Variants in FTCDNL1 observed in about 807,000 individuals in gnomAD.
FTCDNL1 encodes formiminotransferase cyclodeaminase N-terminal like, also known as formiminotransferase N-terminal subdomain-containing protein.
Under a neutral mutation model 5.9 loss-of-function variants are expected in FTCDNL1, and 11 were observed. The observed-to-expected ratio is 1.87, with a 90% confidence interval of 1.18 to 3.10. FTCDNL1 has a LOEUF of 3.10. FTCDNL1 is among the 30% of genes most tolerant of loss of function. The probability of loss-of-function intolerance (pLI) is 0.00; values close to 1 mark genes in which losing one functional copy is unlikely to be tolerated. For missense variants in FTCDNL1, 115 were observed against 65.5 expected, an observed-to-expected ratio of 1.76 and a Z score of -2.61; for synonymous variants, 58 against 24.8, an observed-to-expected ratio of 2.34 and a Z score of -3.99.
chr2:199,743,893 T>C, the FTCDNL1 span, among the ~76,000 whole-genome samples: 1 of 152,178 alleles, frequency 6.6e-6, no homozygotes, highest in Non-Finnish European at 1.5e-5. Flanking sequence ...AAGTATTATA[T>C]TTCCAGTATA....
intron 3 of FTCDNL1, among the ~76,000 whole-genome samples, chr2:199,776,777 C>T (rs1181960806): frequency 1.3e-5 from 2 of 152,096 alleles, no homozygotes; most frequent in Non-Finnish European, 2.9e-5. Flanking sequence ...TTGTTAATCA[C>T]TGTATTAGTA....
chr2:199,747,625 A>G, the FTCDNL1 span, among the ~76,000 whole-genome samples: 1 of 148,464 alleles, frequency 6.7e-6, no homozygotes, highest in Non-Finnish European at 1.5e-5. Flanking sequence ...CAGACCTTGG[A>G]TCACATCCAG....
At chr2:199,665,631 T>C in the FTCDNL1 span, among the ~76,000 whole-genome samples, 2 of 77,374 alleles carry the variant, frequency 2.6e-5, no homozygotes, top group Admixed American at 1.8e-4. Flanking sequence ...CAAAACTTCG[T>C]CTTAAAAAAA....
the FTCDNL1 span, among the ~76,000 whole-genome samples, chr2:199,682,900 G>A: frequency 3.6e-4 from 55 of 152,300 alleles, 1 homozygote; most frequent in Admixed American, 7.8e-4. Flanking sequence ...GAATTCTTCT[G>A]TAGGAAATAT....
the FTCDNL1 span, among the ~76,000 whole-genome samples, chr2:199,695,298 T>C: frequency 1.3e-5 from 2 of 152,200 alleles, no homozygotes. Context: ...TTTTATTTTA[T>C]ATATCTAATT....
chr2:199,826,663 C>T (rs555339972), intron 3 of FTCDNL1, among the ~76,000 whole-genome samples: 3 of 152,184 alleles, frequency 2.0e-5, no homozygotes, highest in Non-Finnish European at 2.9e-5. Flanking sequence ...GGTGTGGTGG[C>T]ATGCACCTGT....
At chr2:199,709,439 AAG>A in the FTCDNL1 span, among the ~76,000 whole-genome samples, 4 of 152,118 alleles carry the variant, frequency 2.6e-5, no homozygotes, top group Non-Finnish European at 5.9e-5. Flanking sequence ...TGCTACTAGA[AAG>A]AGAGGATAGA....
intron 3 of FTCDNL1, among the ~76,000 whole-genome samples, chr2:199,825,467 C>T (rs1701973372): frequency 6.6e-6 from 1 of 152,200 alleles, no homozygotes; most frequent in Non-Finnish European, 1.5e-5. Context: ...TGTTTGTCCC[C>T]TCCGAATCTC....
chr2:199,782,835 C>T (rs1231108985), intron 3 of FTCDNL1, among the ~76,000 whole-genome samples: 1 of 152,194 alleles, frequency 6.6e-6, no homozygotes, highest in Non-Finnish European at 1.5e-5. Flanking sequence ...TTGCAGGGTC[C>T]TTCATCCTTC....
the FTCDNL1 span, among the ~76,000 whole-genome samples, chr2:199,677,760 G>A: frequency 6.6e-6 from 1 of 152,200 alleles, no homozygotes; most frequent in Non-Finnish European, 1.5e-5. Flanking sequence ...AATCGTTAAT[G>A]TGCTCATAAG....
chr2:199,778,819 G>T (rs930312137), intron 3 of FTCDNL1, among the ~76,000 whole-genome samples: 14 of 152,182 alleles, frequency 9.2e-5, no homozygotes, highest in African/African-American at 3.4e-4. Context: ...TTCCTGAAAT[G>T]ATGACATTCT....
chr2:199,701,056 A>G, the FTCDNL1 span, among the ~76,000 whole-genome samples: 1 of 152,162 alleles, frequency 6.6e-6, no homozygotes, highest in African/African-American at 2.4e-5. Flanking sequence ...TTATTTCTAA[A>G]CAGAACTAAC....
chr2:199,749,472 G>A, the FTCDNL1 span, among the ~76,000 whole-genome samples: 5 of 151,838 alleles, frequency 3.3e-5, no homozygotes, highest in African/African-American at 1.2e-4. Flanking sequence ...TCACTGTTTT[G>A]ATCATCTTTG....
At chr2:199,729,441 A>C in the FTCDNL1 span, among the ~76,000 whole-genome samples, 4 of 152,236 alleles carry the variant, frequency 2.6e-5, no homozygotes, top group Non-Finnish European at 5.9e-5. Context: ...ATGATTGTAT[A>C]TTTAGAAAAC....
chr2:199,787,123 A>G (rs1189229347), intron 3 of FTCDNL1, among the ~76,000 whole-genome samples: 1 of 152,012 alleles, frequency 6.6e-6, no homozygotes, highest in African/African-American at 2.4e-5. Context: ...GCCCGCTCAG[A>G]TATCAAGGAT....
In FTCDNL1 at chr2:199,811,601, C is replaced by T. The variant is rs1348116406; in HGVS notation, c.*1104G>A. On this transcript the variant is annotated 3_prime_UTR_variant, in exon 5 of 5. Transcript: ENST00000420128. Reference sequence around the variant, plus strand: ...AGTTATTCACATGCAATTCATCAGCCTGAGGGAGCAAGTCACTTTCAAAGG... The same window carrying T: ...AGTTATTCACATGCAATTCATCAGCTTGAGGGAGCAAGTCACTTTCAAAGG... Among the ~76,000 whole-genome samples the T allele has an allele frequency of 6.6e-6, 1 of 152,192 alleles. No individual in the cohort carries two copies. The highest frequency in any genetic ancestry group is 6.5e-5 in the Admixed American group (1 of 15,280).
At chr2:199,799,951 G>A (rs1050702073) in intron 3 of FTCDNL1, among the ~76,000 whole-genome samples, 11 of 152,004 alleles carry the variant, frequency 7.2e-5, no homozygotes, top group Non-Finnish European at 2.9e-5. Context: ...AATACCCAGA[G>A]TTTCCATGCT....
At chr2:199,728,822 A>C in the FTCDNL1 span, among the ~76,000 whole-genome samples, 4 of 152,192 alleles carry the variant, frequency 2.6e-5, no homozygotes, top group African/African-American at 9.6e-5. Flanking sequence ...AAAGCCTATG[A>C]GCTGCAAACA....
In FTCDNL1 at chr2:199,832,903, T is replaced by A. The variant is rs564100456; in HGVS notation, c.212-13146A>T. Among the ~76,000 whole-genome samples the A allele has an allele frequency of 3.3e-5, 5 of 152,028 alleles. No individual in the cohort carries two copies. In the East Asian group the frequency reaches 7.7e-4, roughly 23 times the overall value. On this transcript the variant is annotated intron_variant, in intron 3 of 4. Transcript: ENST00000420128. ...GACTGAAAAAGAAGAGACTAAAAAA[T>A]TTTCTCAAGCCAGTTGGCAAACAAG...
Sources: gnomAD v4.1 joint callset for allele counts (sites outside exome capture counted in the v4.1 genomes callset) on GRCh38, gnomAD v4.1.1 for gene constraint, MANE v1.5 for transcripts, NCBI Gene and HGNC (gene_info 2026-07-23, HGNC 2026-07-21) for gene names.